MED21: variants seen among roughly 807,000 people sequenced by gnomAD.
MED21 encodes mediator of RNA polymerase II transcription subunit 21.
A neutral mutation model predicts 18.2 loss-of-function variants in MED21; 9 were observed. That is an observed-to-expected ratio of 0.49 (90% CI 0.30 to 0.86). MED21 has a LOEUF of 0.86. Ranked by LOEUF, MED21 falls within the 40% of genes least tolerant of loss-of-function variation. The pLI, the probability that MED21 is intolerant of heterozygous loss-of-function variation, is 0.07. For missense variants in MED21, 150 were observed against 170.9 expected (o/e 0.88, Z 0.68); for synonymous variants, 73 against 60.5 (o/e 1.21, Z -0.96).
chr12:27,035,940 T>C (rs1941647055), intron 2 of MED21, among the ~76,000 whole-genome samples: 1 of 152,162 alleles, frequency 6.6e-6, no homozygotes, highest in Admixed American at 6.5e-5. Context: ...TTATAGTCCT[T>C]TGGGTGTATA....
At chr12:27,024,601 A>C (rs1315203129) in intron 1 of MED21, among the ~76,000 whole-genome samples, 1 of 152,236 alleles carries the variant, frequency 6.6e-6, no homozygotes, top group Non-Finnish European at 1.5e-5. Flanking sequence ...TTGCATATTC[A>C]TACATGTCTT....
chr12:27,022,657 C>T (rs868360599), intron 1 of MED21, 36 bp downstream of exon 1: 3 of 1,610,712 alleles, frequency 1.9e-6, no homozygotes, highest in South Asian at 2.2e-5. Context: ...CTGTCTTTCT[C>T]TTTCTTGAGG....
intron 2 of MED21, among the ~76,000 whole-genome samples, chr12:27,036,380 C>T (rs1271632893): frequency 3.3e-5 from 5 of 152,142 alleles, no homozygotes; most frequent in Non-Finnish European, 5.9e-5. Flanking sequence ...TTCTCCCATT[C>T]TGTAGGTTGC....
chr12:27,023,861 A>G (rs201566067), intron 1 of MED21, among the ~76,000 whole-genome samples: 1 of 152,218 alleles, frequency 6.6e-6, no homozygotes, highest in East Asian at 1.9e-4. Context: ...ACAGTAATAC[A>G]TAAACCAGTA....
chr12:27,023,809 T>G (rs1941508434), intron 1 of MED21, among the ~76,000 whole-genome samples: 1 of 152,154 alleles, frequency 6.6e-6, no homozygotes, highest in African/African-American at 2.4e-5. Context: ...AACTTTTTTT[T>G]TTGTTTTAAT....
At chr12:27,038,461 T>C (rs986063095) in intron 2 of MED21, 1 of 152,186 alleles carries the variant, frequency 6.6e-6, no homozygotes, top group Admixed American at 6.5e-5. Context: ...GTATTATAAA[T>C]GTGTCAGTTT....
chr12:27,030,183 A>G lies in MED21; in HGVS notation c.*1722A>G. ...GTGAAGTCTCTGTCACCCAAGCTGA[A>G]GTGCAGTTCTGTGATCATGGCTCAC... On this transcript the variant is annotated 3_prime_UTR_variant, in exon 4 of 4. Transcript: ENST00000282892. 3.1e-6 allele frequency: 2 copies of G among 648,500 alleles called. No individual in the cohort carries two copies. Among genetic ancestry groups the G allele is most frequent in the Non-Finnish European group, 5.7e-6 (2 of 353,234 alleles). The allele number at this position is 648,500 out of a possible 1,614,324, so 40.2% of individuals were successfully genotyped here. A position where few individuals can be genotyped will look rare whatever the true frequency, so the allele number is the denominator to read the frequency against.
downstream of MED21, among the ~76,000 whole-genome samples, chr12:27,035,533 A>G (rs960050066): frequency 6.7e-6 from 1 of 148,540 alleles, no homozygotes; most frequent in Non-Finnish European, 1.5e-5. Flanking sequence ...GGTGTGCTGC[A>G]CCCGTTAACT....
At chr12:27,036,577 A>G (rs570607819) in intron 2 of MED21, among the ~76,000 whole-genome samples, 8 of 152,320 alleles carry the variant, frequency 5.3e-5, no homozygotes, top group African/African-American at 1.7e-4. Context: ...TTTAGGTCTA[A>G]CGTTTAAGTC....
chr12:27,026,189 T>G (rs920355682), intron 1 of MED21, among the ~76,000 whole-genome samples: 6 of 152,248 alleles, frequency 3.9e-5, no homozygotes, highest in African/African-American at 1.4e-4. Context: ...ACTAGATTTA[T>G]ATCAAATTTA....
At chr12:27,033,477 A>G (rs759263299), downstream of MED21, among the ~76,000 whole-genome samples, 1 of 152,230 alleles carries the variant, frequency 6.6e-6, no homozygotes, top group Non-Finnish European at 1.5e-5. Flanking sequence ...GGATACAAGC[A>G]TTCAGAGCAT....
chr12:27,029,915 A>G lies in MED21; in HGVS notation c.*1454A>G, dbSNP rs983909563. On this transcript the variant is annotated 3_prime_UTR_variant, in exon 4 of 4. Coordinates refer to ENST00000282892, the MANE Select transcript of MED21 (RefSeq NM_004264.5). ...GGGAAAACTAACAGGATTTATCACT[A>G]GTAAACCTGCTCTAAAAGAATTCAA... 5.4e-6 allele frequency: 3 copies of G among 556,276 alleles called. No homozygotes were observed. In the African/African-American group the frequency reaches 6.2e-5, roughly 11 times the overall value. 34.5% of individuals were successfully genotyped at this position (556,276 alleles called of 1,614,324 possible). A position where few individuals can be genotyped will look rare whatever the true frequency, so the allele number is the denominator to read the frequency against.
At chr12:27,035,401 C>A (rs149937031), downstream of MED21, among the ~76,000 whole-genome samples, 1 of 127,414 alleles carries the variant, frequency 7.8e-6, no homozygotes, top group East Asian at 2.0e-4. Context: ...ATAACTAAAT[C>A]TCTTTTTTTT....
Position 27,029,788 on chromosome 12 carries a change from G to A in MED21, c.*1327G>A. The A allele has an allele frequency of 1.3e-5, 13 of 988,584 alleles. No individual in the cohort carries two copies. The highest frequency in any genetic ancestry group is 1.6e-5 in the Non-Finnish European group (13 of 831,802). 61.2% of individuals were successfully genotyped at this position (988,584 alleles called of 1,614,324 possible). On this transcript the variant is annotated 3_prime_UTR_variant, in exon 4 of 4. Transcript: ENST00000282892. ...ATCTGTACTCTTCATTATAGTTTTG[G>A]GGGGAGAGAAGATTCAGTCAGAAAA...
chr12:27,028,351 T>C lies in MED21; in HGVS notation c.325T>C (p.Tyr109His). ...TGCTACATGTCTGGAGGATGTTGTT[T>C]ATCGAGGAGACATGCTTCTGGAGAA... is the stretch of plus-strand genomic sequence containing the variant. ...EAATCLEDVV[Y>H]RGDMLLEKIQ... The change falls in exon 4 of 4, where the codon TAT becomes CAT. Residue 109 changes from tyrosine to histidine, a missense_variant. Transcript: ENST00000282892. The C allele has an allele frequency of 1.2e-6, 2 of 1,614,152 alleles. No homozygotes were observed. The highest frequency in any genetic ancestry group is 1.7e-6 in the Non-Finnish European group (2 of 1,180,002).
intron 3 of MED21, 61 bp downstream of exon 3, chr12:27,027,508 A>G (rs1941561903): frequency 8.2e-7 from 1 of 1,214,684 alleles, no homozygotes; most frequent in Non-Finnish European, 1.2e-6. Context: ...TAAAGGAGGT[A>G]GATTTAGTAC....
At chr12:27,033,918 A>G (rs1010329816), downstream of MED21, among the ~76,000 whole-genome samples, 1 of 152,216 alleles carries the variant, frequency 6.6e-6, no homozygotes, top group Admixed American at 6.5e-5. Context: ...TTAACAAGCT[A>G]AGTATCTAAC....
At chr12:27,037,514 G>C (rs796118528) in intron 2 of MED21, 33 of 152,160 alleles carry the variant, frequency 2.2e-4, no homozygotes, top group African/African-American at 7.2e-4. Context: ...TCCCTGTCTT[G>C]TGCCAGTTTT....
chr12:27,023,818 A>G (rs901719658), intron 1 of MED21, among the ~76,000 whole-genome samples: 2 of 152,046 alleles, frequency 1.3e-5, no homozygotes, highest in Non-Finnish European at 1.5e-5. Context: ...TTTTGTTTTA[A>G]TAAGTAGAAG....
Sources: allele counts gnomAD v4.1 joint callset (sites outside exome capture counted in the v4.1 genomes callset), GRCh38; gene constraint gnomAD v4.1.1; transcripts MANE v1.5; gene names NCBI Gene and HGNC (gene_info 2026-07-23, HGNC 2026-07-21).